Variants in ZNF292 observed in about 807,000 individuals in gnomAD.
ZNF292 encodes zinc finger protein 292, also known as 16 zinc-finger domain protein.
In ZNF292, 26 loss-of-function variants were observed where a neutral mutation model predicts 217.9. The observed-to-expected ratio is 0.12, with a 90% CI of 0.09 to 0.17. ZNF292 has a LOEUF of 0.17. Ranked by LOEUF, ZNF292 falls within the 10% of genes least tolerant of loss-of-function variation. ZNF292 has a pLI of 1.00. For missense variants in ZNF292, 2,904 were observed against 3,175.2 expected (o/e 0.91, Z 2.05); for synonymous variants, 1,257 against 1,124.1 (o/e 1.12, Z -2.37).
Position 87,259,353 on chromosome 6 carries a change from C to G in ZNF292, c.5724C>G (p.Gly1908=). The G allele has an allele frequency of 6.2e-7, 1 of 1,613,266 alleles. No homozygotes were observed. Among genetic ancestry groups the G allele is most frequent in the Non-Finnish European group, 8.5e-7 (1 of 1,179,572 alleles). ...VNKPFVCQNQ[G]CNYSAMTKDA... ...AACCCTTTGTGTGTCAAAACCAAGG[C>G]TGTAACTACAGTGCTATGACAAAGG... Residue 1908 remains glycine (G), a synonymous_variant, in exon 8 of 8, where the codon GGC becomes GGG. Transcript: ENST00000369577.
In ZNF292 at chr6:87,254,775, T is replaced by C. The variant is rs1363518265; in HGVS notation, c.1146T>C (p.Asp382=). The C allele has an allele frequency of 8.1e-6, 13 of 1,613,846 alleles. No homozygotes were observed. The highest frequency in any genetic ancestry group is 2.7e-5 in the African/African-American group (2 of 74,942). ...CCATTTCATGTTTGTTGCCTGATGA[T>C]CTGGAAGTTAAACGTGCTTGTCAAC... is the stretch of plus-strand genomic sequence containing the variant. ...CKTISCLLPD[D]LEVKRACQLS... Residue 382 remains aspartate, a synonymous_variant, in exon 8 of 8, where the codon GAT becomes GAC. Coordinates refer to ENST00000369577, the MANE Select transcript of ZNF292 (RefSeq NM_015021.3).
intron 7 of ZNF292, among the ~76,000 whole-genome samples, chr6:87,249,639 T>A (rs970499906): frequency 1.3e-5 from 2 of 152,232 alleles, no homozygotes; most frequent in South Asian, 4.1e-4. Context: ...GATTAGATTC[T>A]GGTGTAATAA....
rs897554931 is a variant in ZNF292, at chr6:87,257,367, A to C, written c.3738A>C (p.Leu1246=). The C allele has an allele frequency of 1.2e-6, 2 of 1,613,614 alleles. No homozygotes were observed. Among genetic ancestry groups the C allele is most frequent in the East Asian group, 2.2e-5 (1 of 44,894 alleles). Residue 1246 remains leucine, a synonymous_variant, in exon 8 of 8, where the codon CTA becomes CTC. Coordinates refer to ENST00000369577, the MANE Select transcript of ZNF292 (RefSeq NM_015021.3). ...STALPAQMED[L]TKTVLPLNID... is the part of the protein sequence containing the mutation. ...CCTTGCCAGCACAAATGGAAGATCT[A>C]ACCAAAACAGTTCTGCCTTTGAATA...
intron 1 of ZNF292, chr6:87,173,421 C>G (rs1771173545): frequency 6.4e-6 from 1 of 155,274 alleles, no homozygotes; most frequent in African/African-American, 2.4e-5. Context: ...AGCTTCTTCA[C>G]TGTGTTTCTT....
At chr6:87,218,782 TAA>T in intron 4 of ZNF292, 51 bp downstream of exon 4, 1 of 1,501,468 alleles carries the variant, frequency 6.7e-7, no homozygotes, top group Non-Finnish European at 8.9e-7. Context: ...CTAGAAAAAA[TAA>T]GTGTTAAAGT....
chr6:87,257,231 C>A lies in ZNF292; in HGVS notation c.3602C>A (p.Thr1201Asn). 1 of 1,613,820 alleles carries A rather than the reference C, an allele frequency of 6.2e-7. No individual in the cohort carries two copies. The highest frequency in any genetic ancestry group is 1.1e-5 in the South Asian group (1 of 91,082). ...IFPAHLASVS[T>N]PLLSSMESVI... is the part of the protein sequence containing the mutation. ...CCAGCTCATTTAGCAAGTGTGTCAA[C>A]TCCATTGTTGTCCTCAATGGAAAGT... Residue 1201 changes from threonine to asparagine, a missense_variant, in exon 8 of 8, where the codon ACT (threonine) becomes AAT (asparagine). Transcript: ENST00000369577.
intron 1 of ZNF292, among the ~76,000 whole-genome samples, chr6:87,195,728 T>C (rs115595456): frequency 0.015 from 2,309 of 151,944 alleles, 58 homozygotes; most frequent in African/African-American, 0.052. Context: ...TTTGAAACAT[T>C]AGAAAAATTG....
At position 87,256,968 on chromosome 6, in the gene ZNF292, G is replaced by A. The variant is rs1775257037; in HGVS notation, c.3339G>A (p.Gln1113=). Residue 1113 remains glutamine (Q), a synonymous_variant, in exon 8 of 8, where the codon CAG becomes CAA. Coordinates refer to ENST00000369577, the MANE Select transcript of ZNF292 (RefSeq NM_015021.3). The part of the protein sequence containing the change: ...EGCTRTYNSS[Q]SIGKHMKTAH... The stretch of plus-strand genomic sequence containing the variant: ...GTACTCGAACCTATAATTCTTCACA[G>A]AGTATTGGGAAACACATGAAGACAG... 6.2e-7 allele frequency: 1 copy of A among 1,613,602 alleles called. No individual in the cohort carries two copies. Among genetic ancestry groups the A allele is most frequent in the African/African-American group, 1.3e-5 (1 of 74,912 alleles).
At chr6:87,165,195 T>C (rs1197146501) in intron 1 of ZNF292, among the ~76,000 whole-genome samples, 1 of 152,224 alleles carries the variant, frequency 6.6e-6, no homozygotes, top group African/African-American at 2.4e-5. Context: ...AACTCGCTTT[T>C]AACATTCCTT....
intron 5 of ZNF292, chr6:87,233,729 TTTAAA>T: frequency 1.2e-6 from 1 of 817,366 alleles, no homozygotes; most frequent in Non-Finnish European, 1.5e-6. Flanking sequence ...TAGTTTCTGT[TTTAAA>T]TAATATACAT....
chr6:87,257,708 A>C lies in ZNF292; in HGVS notation c.4079A>C (p.His1360Pro). 1 of 1,613,286 alleles carries C rather than the reference A, an allele frequency of 6.2e-7. No homozygotes were observed. The highest frequency in any genetic ancestry group is 8.5e-7 in the Non-Finnish European group (1 of 1,179,562). ...GPNGKERKPK[H>P]NKRAKWPAII... ...AATGGGAAGGAAAGAAAACCTAAGC[A>C]CAACAAAAGGGCTAAATGGCCTGCA... The change falls in exon 8 of 8, where the codon CAC becomes CCC. Residue 1360 changes from histidine to proline, a missense_variant. His to Pro is a moderately conservative substitution (Grantham distance 77, BLOSUM62 -2). This residue lies in a region of ZNF292 where 687 missense variants were observed against 623.0 expected (regional missense o/e 1.10). Transcript: ENST00000369577.
chr6:87,179,619 G>GT (rs1486920011), intron 1 of ZNF292, among the ~76,000 whole-genome samples: 2 of 152,030 alleles, frequency 1.3e-5, no homozygotes, highest in African/African-American at 4.8e-5. Flanking sequence ...TAAATCATAT[G>GT]TATAAATATA....
chr6:87,221,538 G>C (rs999188746), intron 4 of ZNF292, among the ~76,000 whole-genome samples: 1 of 152,114 alleles, frequency 6.6e-6, no homozygotes, highest in Admixed American at 6.5e-5. Context: ...TTTGGACCTG[G>C]TGCTGCCTCT....
At chr6:87,224,820 G>A (rs945544159) in intron 4 of ZNF292, among the ~76,000 whole-genome samples, 8 of 152,058 alleles carry the variant, frequency 5.3e-5, no homozygotes, top group Admixed American at 3.3e-4. Flanking sequence ...GAATAAAGCC[G>A]TTATAAACAT....
At chr6:87,175,609 G>T (rs1401787003) in intron 1 of ZNF292, among the ~76,000 whole-genome samples, 2 of 152,228 alleles carry the variant, frequency 1.3e-5, no homozygotes, top group Non-Finnish European at 2.9e-5. Flanking sequence ...AGAGTGCTAG[G>T]AGTACAGATG....
Position 87,258,369 on chromosome 6 carries a change from T to G in ZNF292, c.4740T>G (p.Val1580=). 6.2e-7 allele frequency: 1 copy of G among 1,613,712 alleles called. No homozygotes were observed. Among genetic ancestry groups the G allele is most frequent in the East Asian group, 2.2e-5 (1 of 44,876 alleles). ...FPTNDLLLKT[V]ENGLCSSSFP... is the part of the protein sequence containing the mutation. ...CGAATGACTTACTACTGAAGACTGT[T>G]GAAAATGGTTTGTGCTCTAGTTCAT... Residue 1580 remains valine, a synonymous_variant, in exon 8 of 8, where the codon GTT becomes GTG. Transcript: ENST00000369577.
chr6:87,201,622 T>C (rs1348820362), intron 1 of ZNF292, among the ~76,000 whole-genome samples: 1 of 152,210 alleles, frequency 6.6e-6, no homozygotes, highest in Non-Finnish European at 1.5e-5. Context: ...CAGGCTGGTC[T>C]TGAACCCCCG....
chr6:87,209,744 G>A (rs1387565954), intron 1 of ZNF292, among the ~76,000 whole-genome samples: 1 of 152,108 alleles, frequency 6.6e-6, no homozygotes, highest in Non-Finnish European at 1.5e-5. Flanking sequence ...GTAATGTGAT[G>A]GGTTTATTGT....
rs1358238856 is a variant in ZNF292, at chr6:87,235,471, CG to C, written c.741+1945del. Among the ~76,000 whole-genome samples the C allele has an allele frequency of 9.9e-5, 15 of 151,914 alleles. 1 individual carries two copies. Among genetic ancestry groups the C allele is most frequent in the African/African-American group, 3.6e-4 (15 of 41,318 alleles). ...AGGGGTAGGCCCTTCACTAAAGAAG[CG>C]TATCTCCTGTTAGGAAACTGACTAT... On this transcript the variant is annotated intron_variant, in intron 5 of 7. Coordinates refer to ENST00000369577, the MANE Select transcript of ZNF292 (RefSeq NM_015021.3).
Sources: gnomAD v4.1 joint callset for allele counts (sites outside exome capture counted in the v4.1 genomes callset) on GRCh38, gnomAD v4.1.1 for gene constraint, gnomAD v4.1.1 regional missense constraint, MANE v1.5 for transcripts, NCBI Gene and HGNC (gene_info 2026-07-23, HGNC 2026-07-21) for gene names.